Variants in ZFPM1 observed in about 807,000 individuals in gnomAD.
The protein encoded by ZFPM1 is zinc finger protein, FOG family member 1, also known as zinc finger protein ZFPM1.
Under a neutral mutation model 46.3 loss-of-function variants are expected in ZFPM1, and 28 were observed. That is an observed-to-expected ratio of 0.60 (90% CI 0.45 to 0.83). ZFPM1 has a LOEUF of 0.83. ZFPM1 is among the 40% of genes least tolerant of loss of function. The pLI is 0.00. For synonymous variants in ZFPM1, 957 were observed against 675.9 expected (o/e 1.42, Z -6.45); for missense variants, 1,878 against 1,432.4 (o/e 1.31, Z -5.02).
Position 88,533,437 on chromosome 16 carries a change from C to A in ZFPM1, c.1479C>A (p.Arg493=). 1 of 1,449,878 alleles carries A rather than the reference C, an allele frequency of 6.9e-7. No homozygotes were observed. The highest frequency in any genetic ancestry group is 2.8e-5 in the Admixed American group (1 of 36,218). The allele number at this position is 1,449,878 out of a possible 1,614,324, so 89.8% of individuals were successfully genotyped here. Residue 493 remains arginine, a synonymous_variant, in exon 10 of 10, where the codon CGC becomes CGA. Coordinates refer to ENST00000319555, the MANE Select transcript of ZFPM1 (RefSeq NM_153813.3). ...CCCCGTCGCGGACGCCGTCGCCGCGCAGCCCCGCCCCGGCCAGGGTCAAGG... is the reference window on the plus strand; with the variant it reads ...CCCCGTCGCGGACGCCGTCGCCGCGAAGCCCCGCCCCGGCCAGGGTCAAGG... ...PQAPSRTPSP[R]SPAPARVKAE... is the part of the protein sequence containing the mutation.
At chr16:88,468,490 C>T (rs1010023943) in intron 1 of ZFPM1, among the ~76,000 whole-genome samples, 3 of 152,140 alleles carry the variant, frequency 2.0e-5, no homozygotes, top group Non-Finnish European at 4.4e-5. Context: ...CCAGCTGTGC[C>T]GGCCTCTTGG....
At chr16:88,501,929 T>C (rs1910366756) in intron 3 of ZFPM1, among the ~76,000 whole-genome samples, 1 of 152,072 alleles carries the variant, frequency 6.6e-6, no homozygotes, top group Non-Finnish European at 1.5e-5. Context: ...CCCAGTGAGT[T>C]CACGTGGTTC....
upstream of ZFPM1, among the ~76,000 whole-genome samples, chr16:88,452,352 G>A (rs566338855): frequency 4.6e-5 from 7 of 152,342 alleles, no homozygotes; most frequent in African/African-American, 1.7e-4. Context: ...ACCTCTGACT[G>A]CTCCGAGAGG....
chr16:88,520,326 GGTGGATAGATGGATGA>G lies in ZFPM1; in HGVS notation c.402+5818_402+5833del, dbSNP rs1189098822. Among the ~76,000 whole-genome samples the G allele has an allele frequency of 6.1e-3, 928 of 151,674 alleles. 7 individuals are homozygous for G. The highest frequency in any genetic ancestry group is 0.021 in the African/African-American group (881 of 41,262). On this transcript the variant is annotated intron_variant, in intron 4 of 9. Transcript: ENST00000319555. ...TGCGTGGGTGAGTGGGTGAAGGAGG[GGTGGATAGATGGATGA>G]GTGGATAGATGAATAGATGGGTGGA... is the stretch of plus-strand genomic sequence containing the variant.
chr16:88,519,855 G>A (rs1466382449), intron 4 of ZFPM1, among the ~76,000 whole-genome samples: 3 of 151,474 alleles, frequency 2.0e-5, no homozygotes, highest in Non-Finnish European at 4.4e-5. Context: ...AGATGGATGT[G>A]TGGATGGGTG....
At chr16:88,460,984 A>AGGCCCTGGTGAGGACCCAGGGGT in intron 1 of ZFPM1, among the ~76,000 whole-genome samples, 1 of 12,090 alleles carries the variant, frequency 8.3e-5, no homozygotes, top group East Asian at 3.4e-3. Flanking sequence ...GACCGAGGGG[A>AGGCCCTGGTGAGGACCCAGGGGT]GGGGCGGGAG....
Position 88,486,012 on chromosome 16 carries a change from G to C in ZFPM1, c.114G>C (p.Thr38=). 1 of 1,612,730 alleles carries C rather than the reference G, an allele frequency of 6.2e-7. No homozygotes were observed. The highest frequency in any genetic ancestry group is 8.5e-7 in the Non-Finnish European group (1 of 1,179,902). ...CCAGCCACATGGAGCAAAAGGCCAC[G>C]GCACCTGAAGCCCCGAGCCCTCCCA... ...VGASHMEQKA[T]APEAPSPPSA... is the part of the protein sequence containing the mutation. The change falls in exon 2 of 10, where the codon ACG becomes ACC. Residue 38 remains threonine, a synonymous_variant. Transcript: ENST00000319555.
intron 3 of ZFPM1, among the ~76,000 whole-genome samples, chr16:88,502,592 C>G (rs1264231220): frequency 6.6e-6 from 1 of 152,214 alleles, no homozygotes; most frequent in Non-Finnish European, 1.5e-5. Context: ...TCCAGTGCTG[C>G]TGGAGGCAGT....
At chr16:88,473,439 C>A (rs1018853959) in intron 1 of ZFPM1, among the ~76,000 whole-genome samples, 6 of 152,230 alleles carry the variant, frequency 3.9e-5, no homozygotes, top group African/African-American at 9.6e-5. Context: ...GAGGTGAACC[C>A]ACAGGCCTGT....
At chr16:88,470,230 C>G (rs185092531) in intron 1 of ZFPM1, among the ~76,000 whole-genome samples, 1,581 of 152,316 alleles carry the variant, frequency 0.01, 23 homozygotes, top group African/African-American at 0.036. Flanking sequence ...CTGCGGGGTC[C>G]TTGCTGTCAG....
At chr16:88,461,088 GGACCAAGGGGCAGGAGGCCCT>G (rs1907834624) in intron 1 of ZFPM1, among the ~76,000 whole-genome samples, 1 of 111,168 alleles carries the variant, frequency 9.0e-6, no homozygotes, top group African/African-American at 4.0e-5. Context: ...GGTCTGGTGA[GGACCAAGGGGCAGGAGGCCCT>G]GGTGAGGACC....
In ZFPM1 at chr16:88,473,634, C is replaced by T. The variant is rs145419360; in HGVS notation, c.41-12305C>T. Among the ~76,000 whole-genome samples the T allele has an allele frequency of 9.2e-3, 1,402 of 152,260 alleles. 22 individuals carry two copies. Among genetic ancestry groups the T allele is most frequent in the African/African-American group, 0.033 (1,351 of 41,558 alleles). ...TGACGCAGGCTGCGCGGCGATGGCT[C>T]CGTGAGCCGCGGCCCCCGCCCCATC... On this transcript the variant is annotated intron_variant, in intron 1 of 9. Transcript: ENST00000319555.
intron 3 of ZFPM1, 25 bp downstream of exon 3, chr16:88,489,178 G>A (rs1214321663): frequency 6.4e-7 from 1 of 1,572,786 alleles, no homozygotes; most frequent in Admixed American, 1.8e-5. Flanking sequence ...GGTGGGGGCA[G>A]CAGCATCGCC....
intron 7 of ZFPM1, 101 bp downstream of exon 7, chr16:88,532,336 C>T (rs1211049949): frequency 4.7e-5 from 55 of 1,182,042 alleles, no homozygotes; most frequent in Non-Finnish European, 6.2e-5. Flanking sequence ...ACACACGGTG[C>T]CACCATTCAC....
intron 3 of ZFPM1, among the ~76,000 whole-genome samples, chr16:88,512,031 C>T (rs577221482): frequency 3.9e-5 from 6 of 152,362 alleles, no homozygotes; most frequent in East Asian, 1.9e-4. Flanking sequence ...GCGAGTGGAA[C>T]GGCCACCTTT....
chr16:88,535,082 G>A lies in ZFPM1; in HGVS notation c.*103G>A, dbSNP rs555272033. 3.8e-6 allele frequency: 5 copies of A among 1,312,394 alleles called. No homozygotes were observed. Among genetic ancestry groups the A allele is most frequent in the Admixed American group, 3.1e-5 (1 of 31,828 alleles). The allele number at this position is 1,312,394 out of a possible 1,614,324, so 81.3% of individuals were successfully genotyped here. ...CTGCCGCTCCTGGGAACCCCGCCAC[G>A]CACAGGCCTCGGCGGAGGGGGCCGC... On this transcript the variant is annotated 3_prime_UTR_variant, in exon 10 of 10. Coordinates refer to ENST00000319555, the MANE Select transcript of ZFPM1 (RefSeq NM_153813.3).
intron 3 of ZFPM1, among the ~76,000 whole-genome samples, chr16:88,511,229 C>A (rs990744251): frequency 9.9e-5 from 15 of 152,156 alleles, no homozygotes; most frequent in African/African-American, 3.6e-4. Flanking sequence ...GCCCCAAGGC[C>A]AAGGCTGTGG....
upstream of ZFPM1, among the ~76,000 whole-genome samples, chr16:88,453,108 G>A (rs1459796705): frequency 6.6e-6 from 1 of 150,684 alleles, no homozygotes; most frequent in Non-Finnish European, 1.5e-5. Flanking sequence ...CTCTGGGGGC[G>A]GAGCCAGAGC....
At chr16:88,518,335 G>A (rs1160492513) in intron 4 of ZFPM1, among the ~76,000 whole-genome samples, 3 of 151,890 alleles carry the variant, frequency 2.0e-5, no homozygotes, top group East Asian at 3.9e-4. Context: ...GTGGATGGAT[G>A]AGTGGGTGGG....
Sources: allele counts gnomAD v4.1 joint callset (sites outside exome capture counted in the v4.1 genomes callset), GRCh38; gene constraint gnomAD v4.1.1; transcripts MANE v1.5; gene names NCBI Gene and HGNC (gene_info 2026-07-23, HGNC 2026-07-21).